The following SYNE2 variants were observed in gnomAD, a reference collection of about 807,000 sequenced individuals.
SYNE2 encodes nesprin-2.
SYNE2 carries 431 observed loss-of-function variants against 856.3 expected under a neutral mutation model. That is an observed-to-expected ratio of 0.50 (90% CI 0.47 to 0.55). The LOEUF is 0.55. Among genes scored for constraint, SYNE2 ranks in the 20% least tolerant of loss-of-function variants. The pLI, the probability that SYNE2 is intolerant of heterozygous loss-of-function variation, is 0.00. For synonymous variants in SYNE2, 2,923 were observed against 2,872.3 expected (o/e 1.02, Z -0.56); for missense variants, 8,129 against 8,023.2 (o/e 1.01, Z -0.50).
At chr14:64,208,718 C>T (rs775595564) in intron 100 of SYNE2, 40 bp from the exon 101 acceptor site, 2 of 1,611,318 alleles carry the variant, frequency 1.2e-6, no homozygotes, top group Non-Finnish European at 1.7e-6. Flanking sequence ...CCTGCTGCCA[C>T]CAACATCTCA....
At chr14:63,821,239 A>G (rs190635023) in intron 1 of SYNE2, among the ~76,000 whole-genome samples, 1 of 152,132 alleles carries the variant, frequency 6.6e-6, no homozygotes, top group East Asian at 1.9e-4. Flanking sequence ...CTTCACAATA[A>G]TTTTTATACT....
At position 63,963,942 on chromosome 14, in the gene SYNE2, A is replaced by G; in HGVS notation, c.932A>G (p.Glu311Gly). 1 of 1,613,130 alleles carries G rather than the reference A, an allele frequency of 6.2e-7. No individual in the cohort carries two copies. The highest frequency in any genetic ancestry group is 1.3e-5 in the African/African-American group (1 of 75,022). ...ATGGGCTGGTTAACTCTGCAAAAGGAAAAACTACAGAAGTTGCTAAAGGAT... is the reference window on the plus strand; with the variant it reads ...ATGGGCTGGTTAACTCTGCAAAAGGGAAAACTACAGAAGTTGCTAAAGGAT... The part of the protein sequence containing the change: ...DAMGWLTLQK[E>G]KLQKLLKDSE... The change falls in exon 10 of 116, where the codon GAA becomes GGA. Residue 311 changes from glutamate (E) to glycine (G), a missense_variant. Around this residue, in one of 3 missense-constraint regions of SYNE2, gnomAD observed 2,422 missense variants for 2,357.4 expected, o/e 1.03. Transcript: ENST00000555002.
chr14:64,130,206 C>G lies in SYNE2; in HGVS notation c.14298C>G (p.Thr4766=), dbSNP rs779655754. The G allele has an allele frequency of 2.0e-4, 321 of 1,613,642 alleles. No individual in the cohort carries two copies. Among genetic ancestry groups the G allele is most frequent in the Non-Finnish European group, 2.6e-4 (312 of 1,179,878 alleles). ...TTGCTCATGGCCACTTAAAACAAACCAAAAGTAAAGTGGCGTTACAGGCTC... is the reference window on the plus strand; with the variant it reads ...TTGCTCATGGCCACTTAAAACAAACGAAAAGTAAAGTGGCGTTACAGGCTC... ...EKLAHGHLKQ[T]KSKVALQAQI... Residue 4766 remains threonine (T), a synonymous_variant, in exon 76 of 116, where the codon ACC becomes ACG. Transcript: ENST00000555002.
chr14:63,858,262 C>CTTTTTTTTTTTTTTTTTTTT (rs61091259), intron 1 of SYNE2, among the ~76,000 whole-genome samples: 1 of 52,896 alleles, frequency 1.9e-5, no homozygotes, highest in Non-Finnish European at 3.2e-5. Context: ...CCACACCGGC[C>CTTTTTTTTTTTTTTTTTTTT]TTTTTTTTTT....
At chr14:64,021,832 GGTT>G (rs747595329) in intron 36 of SYNE2, 22 bp from the exon 37 acceptor site, 59 of 1,612,068 alleles carry the variant, frequency 3.7e-5, no homozygotes, top group Non-Finnish European at 4.7e-5. Context: ...AAGATTTAAT[GGTT>G]GTTGTTTGTT....
intron 1 of SYNE2, among the ~76,000 whole-genome samples, chr14:63,865,986 A>G (rs1039113864): frequency 3.9e-5 from 6 of 151,940 alleles, no homozygotes; most frequent in Admixed American, 3.9e-4. Flanking sequence ...AAATTCTTCA[A>G]TTTTCTTTTC....
intron 7 of SYNE2, among the ~76,000 whole-genome samples, chr14:63,953,535 GAGAGAGAGAGAT>G (rs1034338896): frequency 9.8e-4 from 26 of 26,480 alleles, no homozygotes; most frequent in East Asian, 8.0e-3. Context: ...GATAGATAGA[GAGAGAGAGAGAT>G]AGATAGATAG....
chr14:63,993,817 A>ATT lies in SYNE2; in HGVS notation c.2647-18_2647-17insTT. 2 of 1,496,556 alleles carry ATT rather than the reference A, an allele frequency of 1.3e-6. No homozygotes were observed. The highest frequency in any genetic ancestry group is 1.9e-5 in the Admixed American group (1 of 52,776). The allele number at this position is 1,496,556 out of a possible 1,614,324, so 92.7% of individuals were successfully genotyped here. ...ATGAGGCTTTTATGATTTTGTTTGCAATTTTTTTTTTTTTTAGGAAGCACT... is the reference window on the plus strand; with the variant it reads ...ATGAGGCTTTTATGATTTTGTTTGCATTATTTTTTTTTTTTTTAGGAAGCACT... On this transcript the variant is annotated splice_polypyrimidine_tract_variant and intron_variant, in intron 21 of 115. Coordinates refer to ENST00000555002, the MANE Select transcript of SYNE2 (RefSeq NM_182914.3).
At chr14:64,122,830 C>T (rs192305528) in intron 70 of SYNE2, among the ~76,000 whole-genome samples, 1,545 of 152,244 alleles carry the variant, frequency 0.01, 15 homozygotes, top group Non-Finnish European at 0.014. Flanking sequence ...TGGCCAGGCG[C>T]GGTGGCTCAC....
intron 1 of SYNE2, among the ~76,000 whole-genome samples, chr14:63,840,397 CCTTT>C (rs1890012989): frequency 7.0e-6 from 1 of 143,628 alleles, no homozygotes; most frequent in African/African-American, 2.6e-5. Flanking sequence ...TCCTTTCTTT[CCTTT>C]CCTTCCTTCC....
At chr14:63,986,307 C>A (rs977249875) in intron 18 of SYNE2, 149 bp from the exon 19 acceptor site, 4 of 798,380 alleles carry the variant, frequency 5.0e-6, no homozygotes, top group African/African-American at 3.5e-5. Flanking sequence ...GCTTTGTTGC[C>A]CAGACTGGTC....
chr14:63,786,556 G>C (rs1389508693), intron 1 of SYNE2, among the ~76,000 whole-genome samples: 1 of 152,052 alleles, frequency 6.6e-6, no homozygotes, highest in Non-Finnish European at 1.5e-5. Context: ...GTTATTTCTT[G>C]GGTCTTCAGT....
chr14:64,049,982 T>G, intron 47 of SYNE2, 106 bp downstream of exon 47: 3 of 1,363,348 alleles, frequency 2.2e-6, no homozygotes, highest in South Asian at 2.7e-5. Context: ...AAGGAAATTA[T>G]GATTTTAAAA....
chr14:64,113,102 C>T (rs1172002923), intron 65 of SYNE2: 9 of 985,286 alleles, frequency 9.1e-6, no homozygotes, highest in African/African-American at 1.7e-5. Context: ...AGCCTGTTTG[C>T]GTCCTCTGTG....
chr14:64,094,136 T>C (rs1264315681), intron 61 of SYNE2, among the ~76,000 whole-genome samples: 2 of 151,592 alleles, frequency 1.3e-5, no homozygotes, highest in Admixed American at 1.3e-4. Context: ...ATCGAGACCA[T>C]CCTGGCTAAC....
chr14:64,038,403 G>A (rs1024935447), intron 45 of SYNE2, among the ~76,000 whole-genome samples: 5 of 152,262 alleles, frequency 3.3e-5, no homozygotes, highest in Non-Finnish European at 7.3e-5. Context: ...GACGATGGGC[G>A]GCCCGGCAGA....
chr14:63,812,635 G>C (rs1888657281), intron 1 of SYNE2, among the ~76,000 whole-genome samples: 1 of 152,172 alleles, frequency 6.6e-6, no homozygotes, highest in Non-Finnish European at 1.5e-5. Flanking sequence ...GTAAAGACAA[G>C]AGTAAGAAAT....
At chr14:64,186,703 C>A in intron 97 of SYNE2, 124 bp downstream of exon 97, 1 of 1,265,532 alleles carries the variant, frequency 7.9e-7, no homozygotes, top group Non-Finnish European at 1.1e-6. Flanking sequence ...GGACCCCTGG[C>A]CCGGCCGCTG....
intron 8 of SYNE2, among the ~76,000 whole-genome samples, 189 bp downstream of exon 8, chr14:63,955,104 G>A (rs2096224466): frequency 6.6e-6 from 1 of 152,076 alleles, no homozygotes; most frequent in Admixed American, 6.5e-5. Context: ...GTAATTATAG[G>A]GGAAGCCACA....
Sources: allele counts gnomAD v4.1 joint callset (sites outside exome capture counted in the v4.1 genomes callset), GRCh38; gene constraint gnomAD v4.1.1; regional missense constraint gnomAD v4.1.1; transcripts MANE v1.5; gene names NCBI Gene and HGNC (gene_info 2026-07-23, HGNC 2026-07-21).